CDK8: variants seen among roughly 807,000 people sequenced by gnomAD.
The protein encoded by CDK8 is cyclin dependent kinase 8, also known as cyclin-dependent kinase 8.
In CDK8, 29 loss-of-function variants were observed where a neutral mutation model predicts 71.5. That is an observed-to-expected ratio of 0.41 (90% CI 0.30 to 0.55). CDK8 has a LOEUF of 0.55. Among genes scored for constraint, CDK8 ranks in the 20% least tolerant of loss-of-function variants. The pLI is 0.37. For synonymous variants in CDK8, 161 were observed against 192.1 expected, an observed-to-expected ratio of 0.84 and a Z score of 1.34; for missense variants, 288 against 572.6, an observed-to-expected ratio of 0.50 and a Z score of 5.07.
intron 1 of CDK8, among the ~76,000 whole-genome samples, chr13:26,295,811 C>A (rs793116): frequency 0.83 from 126,076 of 151,960 alleles, 53,963 homozygotes; most frequent in East Asian, 0.99. Flanking sequence ...TATGATCAAT[C>A]CAGTTATTTA....
intron 1 of CDK8, among the ~76,000 whole-genome samples, chr13:26,284,817 A>G (rs1872923749): frequency 6.6e-6 from 1 of 152,060 alleles, no homozygotes; most frequent in Non-Finnish European, 1.5e-5. Flanking sequence ...TTATAATAAC[A>G]ACAACAAAAA....
chr13:26,329,687 A>T (rs959358189), intron 1 of CDK8, among the ~76,000 whole-genome samples: 1 of 151,640 alleles, frequency 6.6e-6, no homozygotes, highest in Admixed American at 6.6e-5. Flanking sequence ...TATTTTTTGT[A>T]CAGACGGGGT....
intron 4 of CDK8, among the ~76,000 whole-genome samples, chr13:26,365,973 G>GA (rs1262803473): frequency 4.0e-5 from 6 of 151,384 alleles, no homozygotes; most frequent in East Asian, 1.9e-4. Context: ...ATTATACTGT[G>GA]AAAAAAAACC....
At chr13:26,367,330 A>G (rs527754320) in intron 4 of CDK8, among the ~76,000 whole-genome samples, 3 of 152,332 alleles carry the variant, frequency 2.0e-5, no homozygotes, top group African/African-American at 7.2e-5. Flanking sequence ...AAAATAAGAA[A>G]GGGTTGCACA....
At chr13:26,349,397 AAAC>A (rs749150474) in intron 3 of CDK8, among the ~76,000 whole-genome samples, 1 of 152,270 alleles carries the variant, frequency 6.6e-6, no homozygotes, top group Non-Finnish European at 1.5e-5. Flanking sequence ...ATACTAAAGA[AAAC>A]AATAGAATCT....
chr13:26,371,927 C>T (rs569787601), intron 4 of CDK8, among the ~76,000 whole-genome samples: 5 of 152,040 alleles, frequency 3.3e-5, no homozygotes, highest in East Asian at 1.9e-4. Context: ...CATAACTTGA[C>T]ATTTTCTATC....
chr13:26,343,888 A>T (rs567189812), intron 2 of CDK8, among the ~76,000 whole-genome samples: 14 of 150,750 alleles, frequency 9.3e-5, no homozygotes, highest in East Asian at 1.9e-4. Context: ...TATTTAAAAA[A>T]TTTTTTTTTT....
At chr13:26,387,143 C>T (rs1413624876) in intron 6 of CDK8, among the ~76,000 whole-genome samples, 1 of 152,094 alleles carries the variant, frequency 6.6e-6, no homozygotes, top group Non-Finnish European at 1.5e-5. Context: ...ATTACTTTTT[C>T]ATAGTATCTT....
chr13:26,373,547 A>G (rs1049692734), intron 4 of CDK8, among the ~76,000 whole-genome samples: 3 of 152,238 alleles, frequency 2.0e-5, no homozygotes, highest in African/African-American at 7.2e-5. Flanking sequence ...GATGGTACTA[A>G]TTACAAATTA....
intron 1 of CDK8, among the ~76,000 whole-genome samples, chr13:26,304,803 A>G (rs1055007089): frequency 1.3e-5 from 2 of 151,610 alleles, no homozygotes; most frequent in Non-Finnish European, 2.9e-5. Flanking sequence ...TACCCAGCTA[A>G]TTTAAATTTT....
At chr13:26,258,240 T>C (rs1871615299) in intron 1 of CDK8, among the ~76,000 whole-genome samples, 2 of 152,306 alleles carry the variant, frequency 1.3e-5, no homozygotes, top group Non-Finnish European at 2.9e-5. Context: ...CCAGAGCCCA[T>C]GCTCTTAACC....
At chr13:26,277,841 T>G (rs1358394478) in intron 1 of CDK8, among the ~76,000 whole-genome samples, 1 of 152,212 alleles carries the variant, frequency 6.6e-6, no homozygotes, top group Non-Finnish European at 1.5e-5. Flanking sequence ...AATTAAGCTA[T>G]TTTAAGCCTT....
intron 1 of CDK8, among the ~76,000 whole-genome samples, chr13:26,292,219 CA>C (rs1335135173): frequency 2.0e-5 from 3 of 151,972 alleles, no homozygotes; most frequent in Non-Finnish European, 4.4e-5. Context: ...TCCAGTCATC[CA>C]GGGGTGCAGG....
chr13:26,291,443 AT>A (rs762413796), intron 1 of CDK8, among the ~76,000 whole-genome samples: 1 of 152,212 alleles, frequency 6.6e-6, no homozygotes, highest in Non-Finnish European at 1.5e-5. Flanking sequence ...ATTGGGAGCC[AT>A]ATGAATGAGA....
rs148124873 is a variant in CDK8 at position 26,394,138 on chromosome 13, C to T, written c.790+628C>T. 2.3e-3 allele frequency among the ~76,000 whole-genome samples: 343 copies of T among 152,190 alleles called. 2 individuals are homozygous for T. Among genetic ancestry groups the T allele is most frequent in the African/African-American group, 7.8e-3 (325 of 41,544 alleles). On this transcript the variant is annotated intron_variant, in intron 7 of 12. Coordinates refer to ENST00000381527, the MANE Select transcript of CDK8 (RefSeq NM_001260.3). Reference sequence around the variant, plus strand: ...CTCAATCCCTAGTTATATTACAGAACGGTAATCACCAAAAACTGCTCAGAG... The same window carrying T: ...CTCAATCCCTAGTTATATTACAGAATGGTAATCACCAAAAACTGCTCAGAG...
intron 2 of CDK8, among the ~76,000 whole-genome samples, chr13:26,348,797 A>G (rs1244718139): frequency 1.3e-5 from 2 of 152,204 alleles, no homozygotes; most frequent in Non-Finnish European, 2.9e-5. Flanking sequence ...TGGTCTTTTT[A>G]TGTTAGATAT....
Position 26,401,732 on chromosome 13 carries a change from G to T in CDK8, c.1269+108G>T. The stretch of plus-strand genomic sequence containing the variant: ...GAAATACTGACGTCTGTATACCCAG[G>T]GAAATACATTAACATGAAATGTTAC... On this transcript the variant is annotated intron_variant, in intron 12 of 12. Transcript: ENST00000381527. The surrounding 1 kb of genome is among the most constrained non-coding windows in gnomAD (Gnocchi z 4.5). 1 of 1,105,304 alleles carries T rather than the reference G, an allele frequency of 9.0e-7. No individual in the cohort carries two copies. The allele number at this position is 1,105,304 out of a possible 1,614,324, so 68.5% of individuals were successfully genotyped here.
intron 1 of CDK8, among the ~76,000 whole-genome samples, chr13:26,300,640 C>T (rs145420611): frequency 1.1e-4 from 16 of 152,188 alleles, no homozygotes; most frequent in Admixed American, 3.9e-4. Flanking sequence ...TTCAGACCAA[C>T]AAAAGGTCGT....
chr13:26,265,390 C>T (rs1271538466), intron 1 of CDK8, among the ~76,000 whole-genome samples: 2 of 152,038 alleles, frequency 1.3e-5, no homozygotes, highest in African/African-American at 4.8e-5. Flanking sequence ...TTGGGGAGCT[C>T]AAGTATATTT....
Sources: gnomAD v4.1 joint callset for allele counts (sites outside exome capture counted in the v4.1 genomes callset) on GRCh38, gnomAD v4.1.1 for gene constraint, Gnocchi (gnomAD v3.1) non-coding constraint, MANE v1.5 for transcripts, NCBI Gene and HGNC (gene_info 2026-07-23, HGNC 2026-07-21) for gene names.